ATXN7: variants seen among roughly 807,000 people sequenced by gnomAD.
The protein encoded by ATXN7 is ataxin-7.
In ATXN7, 12 loss-of-function variants were observed where a neutral mutation model predicts 70.5. The observed-to-expected ratio is 0.17, with a 90% CI of 0.11 to 0.28. The LOEUF (loss-of-function observed/expected upper bound fraction) is 0.28. Ranked by LOEUF, ATXN7 falls within the 10% of genes least tolerant of loss-of-function variation. The probability of loss-of-function intolerance (pLI) is 1.00; values close to 1 mark genes in which losing one functional copy is unlikely to be tolerated. For missense variants in ATXN7, 1,256 were observed against 1,131.7 expected, an observed-to-expected ratio of 1.11 and a Z score of -1.58; for synonymous variants, 498 against 448.7, an observed-to-expected ratio of 1.11 and a Z score of -1.39.
chr3:63,950,373 A>C (rs1465248719), intron 4 of ATXN7, among the ~76,000 whole-genome samples: 1 of 152,236 alleles, frequency 6.6e-6, no homozygotes, highest in Non-Finnish European at 1.5e-5. Flanking sequence ...AACTGAGGGA[A>C]ATCACAGAGA....
intron 11 of ATXN7, among the ~76,000 whole-genome samples, chr3:63,993,237 A>G (rs2075700464): frequency 6.6e-6 from 1 of 150,384 alleles, no homozygotes. Flanking sequence ...ATTCCCTAAG[A>G]AGGGGCTGGG....
intron 12 of ATXN7, 188 bp downstream of exon 12, chr3:63,996,671 C>A: frequency 1.4e-6 from 1 of 695,580 alleles, no homozygotes; most frequent in Non-Finnish European, 2.2e-6. Context: ...GTAAAACAGG[C>A]TCTTCTGCCA....
intron 4 of ATXN7, among the ~76,000 whole-genome samples, chr3:63,940,175 G>C (rs1404053854): frequency 2.0e-5 from 3 of 151,998 alleles, no homozygotes; most frequent in Non-Finnish European, 4.4e-5. Context: ...GAAAGGACCT[G>C]AGAAGGCCCT....
At chr3:63,995,384 C>A in intron 11 of ATXN7, 121 bp from the exon 12 acceptor site, 1 of 1,094,444 alleles carries the variant, frequency 9.1e-7, no homozygotes. Context: ...CTTTGTAGTT[C>A]AGAGTGATTG....
intron 4 of ATXN7, among the ~76,000 whole-genome samples, chr3:63,921,565 T>C (rs1328178870): frequency 6.6e-6 from 1 of 152,234 alleles, no homozygotes; most frequent in East Asian, 1.9e-4. Flanking sequence ...TAAATCATTA[T>C]TTCCAAAAGC....
At chr3:63,921,314 T>C (rs1704502109) in intron 4 of ATXN7, among the ~76,000 whole-genome samples, 1 of 152,100 alleles carries the variant, frequency 6.6e-6, no homozygotes, top group Non-Finnish European at 1.5e-5. Context: ...ACTCCAGTCA[T>C]GCAACAGAAA....
rs118060557 is a variant in ATXN7, at chr3:63,926,502, G to A, written c.394+13277G>A. ...GGTGTTTTGAAGAACAGCAGGGGGC[G>A]GAGTGGCTGGAGAGGCCAGTGTGGA... On this transcript the variant is annotated intron_variant, in intron 4 of 12. Transcript: ENST00000674280. Among the ~76,000 whole-genome samples the A allele has an allele frequency of 1.5e-3, 223 of 152,264 alleles. 2 individuals are homozygous for A. The East Asian group carries it at 0.03, about 21-fold the overall frequency.
intron 12 of ATXN7, chr3:63,997,760 G>C: frequency 6.6e-7 from 1 of 1,519,884 alleles, no homozygotes; most frequent in Non-Finnish European, 8.8e-7. Flanking sequence ...AGCCGGGTTA[G>C]GACTTTTTCA....
intron 4 of ATXN7, among the ~76,000 whole-genome samples, chr3:63,930,689 C>T (rs920513042): frequency 3.3e-5 from 5 of 152,032 alleles, no homozygotes; most frequent in Non-Finnish European, 7.4e-5. Flanking sequence ...CGACCACGCC[C>T]GGCTAATTTT....
chr3:63,917,449 C>G (rs535097002), intron 4 of ATXN7, among the ~76,000 whole-genome samples: 2 of 150,940 alleles, frequency 1.3e-5, no homozygotes, highest in East Asian at 3.9e-4. Flanking sequence ...TATTTAGAGA[C>G]CCTTAAAAAA....
intron 8 of ATXN7, among the ~76,000 whole-genome samples, chr3:63,984,038 A>T (rs2075531931): frequency 6.6e-6 from 1 of 152,292 alleles, no homozygotes; most frequent in South Asian, 2.1e-4. Flanking sequence ...GCCCTGTCCC[A>T]TGCCCCAGCC....
chr3:63,949,195 ACT>A (rs893096184), intron 4 of ATXN7, among the ~76,000 whole-genome samples: 1 of 149,530 alleles, frequency 6.7e-6, no homozygotes, highest in South Asian at 2.1e-4. Flanking sequence ...AACATTCCAC[ACT>A]CTGTTCCTGT....
In ATXN7 at chr3:64,002,393, G is replaced by C. The variant is rs150104842; in HGVS notation, c.*2926G>C. On this transcript the variant is annotated 3_prime_UTR_variant, in exon 13 of 13. Transcript: ENST00000674280. ...GGAGTGGATTCATACAGATGAAGTG[G>C]GCATTGCTTCTTCCTGGTTGCCTGG... The C allele has an allele frequency of 2.0e-4, 31 of 152,410 alleles. No homozygotes were observed. The highest frequency in any genetic ancestry group is 7.5e-4 in the African/African-American group (31 of 41,422). 9.4% of individuals were successfully genotyped at this position (152,410 alleles called of 1,614,324 possible).
chr3:63,870,375 A>G (rs1161882587), intron 1 of ATXN7, among the ~76,000 whole-genome samples: 1 of 152,176 alleles, frequency 6.6e-6, no homozygotes, highest in Non-Finnish European at 1.5e-5. Context: ...TGGCATTGCC[A>G]AGCAACCACC....
intron 1 of ATXN7, among the ~76,000 whole-genome samples, chr3:63,876,550 G>A (rs1436182281): frequency 2.6e-5 from 4 of 152,180 alleles, no homozygotes. Context: ...CTACAAGACA[G>A]TGAATAACAC....
rs537594174 is a variant in ATXN7 at position 63,870,096 on chromosome 3, G to A, written c.-111+5938G>A. The stretch of plus-strand genomic sequence containing the variant: ...ATTGTTTACTTTGCCAGCCATCCAG[G>A]TCTCTACACCTACTCAGCTCTGCCA... On this transcript the variant is annotated intron_variant, in intron 1 of 12. Coordinates refer to ENST00000674280, the MANE Select transcript of ATXN7 (RefSeq NM_001377405.1). 5.9e-5 allele frequency among the ~76,000 whole-genome samples: 9 copies of A among 152,176 alleles called. No individual in the cohort carries two copies. In the South Asian group the frequency reaches 1.2e-3, roughly 21 times the overall value.
Position 63,908,958 on chromosome 3 carries a change from T to C in ATXN7, c.-11-3630T>C, listed in dbSNP as rs141994714. ...CTCTGACAGCCCAGTTCTTAAGCCA[T>C]AGACAATCTAGTTGGTGGTGACAGT... On this transcript the variant is annotated intron_variant, in intron 2 of 12. Transcript: ENST00000674280. Among the ~76,000 whole-genome samples, 472 of 152,328 alleles carry C rather than the reference T, an allele frequency of 3.1e-3. 3 individuals are homozygous for C. The highest frequency in any genetic ancestry group is 0.01 in the African/African-American group (422 of 41,582).
intron 4 of ATXN7, among the ~76,000 whole-genome samples, chr3:63,936,652 C>G (rs767741612): frequency 1.1e-4 from 17 of 152,198 alleles, no homozygotes; most frequent in Non-Finnish European, 1.0e-4. Context: ...ATACAGGATC[C>G]CAATAACCTC....
chr3:63,898,108 C>T (rs995853788), intron 1 of ATXN7, among the ~76,000 whole-genome samples: 5 of 152,030 alleles, frequency 3.3e-5, no homozygotes, highest in Admixed American at 6.6e-5. Context: ...AGTGGAAACT[C>T]ATTAGTGCAA....
Sources: allele counts gnomAD v4.1 joint callset (sites outside exome capture counted in the v4.1 genomes callset), GRCh38; gene constraint gnomAD v4.1.1; transcripts MANE v1.5; gene names NCBI Gene and HGNC (gene_info 2026-07-23, HGNC 2026-07-21).